Variants in SNTG2 observed in about 807,000 individuals in gnomAD.
SNTG2 encodes the protein gamma-2-syntrophin.
Under a neutral mutation model 70.9 loss-of-function variants are expected in SNTG2, and 74 were observed. The ratio of observed to expected loss-of-function variants is 1.04; its 90% CI spans 0.86 to 1.27. SNTG2 has a LOEUF of 1.27. Ranked by LOEUF, SNTG2 falls within the 50% of genes most tolerant of loss-of-function variation. The probability of loss-of-function intolerance (pLI) is 0.00; values close to 1 mark genes in which losing one functional copy is unlikely to be tolerated. For synonymous variants in SNTG2, 278 were observed against 273.8 expected, an observed-to-expected ratio of 1.02 and a Z score of -0.15; for missense variants, 717 against 690.7, an observed-to-expected ratio of 1.04 and a Z score of -0.43.
intron 1 of SNTG2, among the ~76,000 whole-genome samples, chr2:1,056,225 A>G (rs1662386502): frequency 1.5e-5 from 2 of 134,746 alleles, no homozygotes; most frequent in Non-Finnish European, 3.2e-5. Flanking sequence ...GGGAGAGTGC[A>G]TGGGGGAGGG....
chr2:1,012,023 C>T (rs937918178), intron 1 of SNTG2, among the ~76,000 whole-genome samples: 1 of 152,172 alleles, frequency 6.6e-6, no homozygotes, highest in African/African-American at 2.4e-5. Flanking sequence ...TTCTTTTCCC[C>T]AGTGAATACC....
At chr2:953,373 G>C (rs948218665) in intron 1 of SNTG2, among the ~76,000 whole-genome samples, 4 of 152,256 alleles carry the variant, frequency 2.6e-5, no homozygotes, top group Non-Finnish European at 5.9e-5. Context: ...AGTCTGGGGC[G>C]CTGGAAGAAT....
chr2:1,316,587 A>G (rs1315041129), intron 16 of SNTG2, among the ~76,000 whole-genome samples: 1 of 152,274 alleles, frequency 6.6e-6, no homozygotes, highest in African/African-American at 2.4e-5. Flanking sequence ...TTGAGACCAG[A>G]AGTGTTTGGG....
intron 14 of SNTG2, among the ~76,000 whole-genome samples, chr2:1,281,240 T>TGTGTGTGTTTGTGTG (rs1679507028): frequency 5.6e-4 from 7 of 12,580 alleles, no homozygotes; most frequent in Non-Finnish European, 8.3e-4. Context: ...TGTGGTGTGG[T>TGTGTGTGTTTGTGTG]GTGTGGTGTG....
chr2:1,055,233 A>G (rs759525922), intron 1 of SNTG2, among the ~76,000 whole-genome samples: 16 of 152,354 alleles, frequency 1.1e-4, no homozygotes, highest in Non-Finnish European at 2.1e-4. Context: ...TGGGAATGTG[A>G]GCTTGCCCCG....
chr2:1,260,321 CAT>C (rs944598162), intron 13 of SNTG2, among the ~76,000 whole-genome samples: 1 of 152,116 alleles, frequency 6.6e-6, no homozygotes, highest in African/African-American at 2.4e-5. Context: ...TTAATGGAAA[CAT>C]GTACAAGGGA....
chr2:1,004,773 A>T (rs1330972305), intron 1 of SNTG2, among the ~76,000 whole-genome samples: 1 of 152,238 alleles, frequency 6.6e-6, no homozygotes, highest in Admixed American at 6.5e-5. Context: ...TTTGCTAAAC[A>T]TATTCTTAAC....
chr2:1,269,580 G>T (rs1187936788), intron 14 of SNTG2, among the ~76,000 whole-genome samples: 22 of 152,100 alleles, frequency 1.4e-4, no homozygotes. Context: ...GACTTTAATG[G>T]TCAGGACATC....
chr2:1,005,515 A>G (rs1659536052), intron 1 of SNTG2, among the ~76,000 whole-genome samples: 1 of 151,668 alleles, frequency 6.6e-6, no homozygotes, highest in African/African-American at 2.4e-5. Context: ...TAAAATATTA[A>G]CGTTGGAGCT....
chr2:1,144,591 C>T (rs748674271), intron 6 of SNTG2, among the ~76,000 whole-genome samples: 3 of 152,186 alleles, frequency 2.0e-5, no homozygotes, highest in Non-Finnish European at 2.9e-5. Context: ...CACACTTCTA[C>T]GTGGCTGGGG....
intron 13 of SNTG2, among the ~76,000 whole-genome samples, chr2:1,262,302 G>A (rs1235413213): frequency 6.6e-6 from 1 of 152,044 alleles, no homozygotes; most frequent in Admixed American, 6.6e-5. Context: ...TTCATGACAG[G>A]AGGTGGTTGC....
intron 1 of SNTG2, among the ~76,000 whole-genome samples, chr2:981,708 CACAA>C (rs879842004): frequency 1.4e-4 from 21 of 152,304 alleles, no homozygotes; most frequent in South Asian, 1.2e-3. Flanking sequence ...CACATGCACA[CACAA>C]ACAAGTCGTA....
chr2:1,101,677 C>T (rs570942164), intron 4 of SNTG2, among the ~76,000 whole-genome samples: 5 of 152,278 alleles, frequency 3.3e-5, no homozygotes, highest in South Asian at 2.1e-4. Flanking sequence ...CGGAGCACAG[C>T]GCTGCCAGAT....
intron 14 of SNTG2, among the ~76,000 whole-genome samples, chr2:1,284,713 G>C (rs919365195): frequency 1.3e-5 from 2 of 152,120 alleles, no homozygotes; most frequent in African/African-American, 4.8e-5. Flanking sequence ...GAAAGTTAAA[G>C]CTGACGTCAA....
intron 1 of SNTG2, among the ~76,000 whole-genome samples, chr2:984,238 T>C (rs1201281848): frequency 1.3e-5 from 2 of 150,258 alleles, no homozygotes; most frequent in Admixed American, 6.7e-5. Context: ...GCCTTCCCAC[T>C]TTTACCCAAA....
At chr2:1,151,521 G>A (rs1429351731) in intron 6 of SNTG2, among the ~76,000 whole-genome samples, 1 of 152,178 alleles carries the variant, frequency 6.6e-6, no homozygotes, top group Non-Finnish European at 1.5e-5. Flanking sequence ...ACACCAAACT[G>A]CAGCTTTCCC....
intron 1 of SNTG2, among the ~76,000 whole-genome samples, chr2:956,075 C>T (rs1660133950): frequency 7.2e-6 from 1 of 139,184 alleles, no homozygotes; most frequent in South Asian, 2.5e-4. Context: ...CTGACCCTGA[C>T]TTGTGCCAAA....
chr2:1,366,826 C>T (rs1174347545), intron 16 of SNTG2, among the ~76,000 whole-genome samples: 1 of 152,214 alleles, frequency 6.6e-6, no homozygotes, highest in Non-Finnish European at 1.5e-5. Context: ...ACACAGCAGG[C>T]ACTGTTCCTC....
chr2:1,328,300 C>G (rs115410751), intron 16 of SNTG2, among the ~76,000 whole-genome samples: 1 of 152,086 alleles, frequency 6.6e-6, no homozygotes, highest in African/African-American at 2.4e-5. Flanking sequence ...TGGATAGACA[C>G]GTACATGCAT....
Sources: gnomAD v4.1 joint callset for allele counts (sites outside exome capture counted in the v4.1 genomes callset) on GRCh38, gnomAD v4.1.1 for gene constraint, MANE v1.5 for transcripts, NCBI Gene and HGNC (gene_info 2026-07-23, HGNC 2026-07-21) for gene names.